TSBP1: variants seen among roughly 807,000 people sequenced by gnomAD.
The protein encoded by TSBP1 is testis-expressed basic protein 1.
A neutral mutation model predicts 68.8 loss-of-function variants in TSBP1; 56 were observed. The observed-to-expected ratio is 0.81, with a 90% confidence interval of 0.66 to 1.02. TSBP1 has a LOEUF of 1.02. Ranked by LOEUF, TSBP1 falls within the 50% of genes least tolerant of loss-of-function variation. The probability of loss-of-function intolerance (pLI) is 0.00; values close to 1 mark genes in which losing one functional copy is unlikely to be tolerated. For missense variants in TSBP1, 502 were observed against 641.2 expected (o/e 0.78, Z 2.34); for synonymous variants, 171 against 208.7 (o/e 0.82, Z 1.56).
At chr6:32,298,452 G>GGGA (rs1764932231) in intron 22 of TSBP1, among the ~76,000 whole-genome samples, 1 of 152,132 alleles carries the variant, frequency 6.6e-6, no homozygotes, top group African/African-American at 2.4e-5. Flanking sequence ...GGTGGCACAT[G>GGGA]CCTGTAATCC....
chr6:32,294,104 T>G (rs1430755311), intron 22 of TSBP1, 69 bp from the exon 26 acceptor site: 1 of 1,579,778 alleles, frequency 6.3e-7, no homozygotes, highest in African/African-American at 1.4e-5. Context: ...TTTTTTCCCC[T>G]TGATACTGGT....
intron 22 of TSBP1, among the ~76,000 whole-genome samples, chr6:32,294,743 C>A (rs1298849093): frequency 6.6e-6 from 1 of 152,150 alleles, no homozygotes; most frequent in East Asian, 1.9e-4. Context: ...CTACTTCTTG[C>A]AATATCTGCA....
intron 1 of TSBP1, among the ~76,000 whole-genome samples, chr6:32,371,484 A>G (rs1159015522): frequency 2.0e-5 from 3 of 152,228 alleles, no homozygotes; most frequent in Non-Finnish European, 4.4e-5. Context: ...CAAAGGAGAA[A>G]CCAGCACTAT....
chr6:32,334,600 T>A (rs574318388), intron 14 of TSBP1, among the ~76,000 whole-genome samples: 3 of 152,158 alleles, frequency 2.0e-5, no homozygotes, highest in Non-Finnish European at 4.4e-5. Context: ...GTTGTTTAGA[T>A]GCAACAAAGT....
Position 32,316,257 on chromosome 6 carries a change from A to G in TSBP1, c.560-465T>C. The G allele has an allele frequency of 1.6e-6, 1 of 636,496 alleles. No individual in the cohort carries two copies. Among genetic ancestry groups the G allele is most frequent in the Non-Finnish European group, 2.7e-6 (1 of 372,918 alleles). 39.4% of individuals were successfully genotyped at this position (636,496 alleles called of 1,614,324 possible). A position where few individuals can be genotyped will look rare whatever the true frequency, so the allele number is the denominator to read the frequency against. On this transcript the variant is annotated intron_variant, in intron 18 of 22. Transcript: ENST00000612031. The surrounding 1 kb of genome is among the most constrained non-coding windows in gnomAD (Gnocchi z 4.5). Reference sequence around the variant, plus strand: ...TTAGTCCCTCTTTTAATTAGTGTTTAAAAAGATTCTCTGTAATATAGACCA... The same window carrying G: ...TTAGTCCCTCTTTTAATTAGTGTTTGAAAAGATTCTCTGTAATATAGACCA...
Position 32,339,102 on chromosome 6 carries a change from G to T in TSBP1, c.389-103C>A, listed in dbSNP as rs1022746412. 86 of 946,216 alleles carry T rather than the reference G, an allele frequency of 9.1e-5. No homozygotes were observed. In the African/African-American group the frequency reaches 1.2e-3, roughly 13 times the overall value. The allele number at this position is 946,216 out of a possible 1,614,324, so 58.6% of individuals were successfully genotyped here. Reference sequence around the variant, plus strand: ...CATTTACTACATATTTGATTTACATGGAAAGGCAGCAAGAAGGTAAGTAGG... The same window carrying T: ...CATTTACTACATATTTGATTTACATTGAAAGGCAGCAAGAAGGTAAGTAGG... On this transcript the variant is annotated intron_variant, in intron 10 of 22. Coordinates refer to ENST00000612031, the Ensembl canonical transcript of TSBP1.
Position 32,333,927 on chromosome 6 carries a change from G to T in TSBP1, c.472+1510C>A. 4.8e-6 allele frequency: 1 copy of T among 209,496 alleles called. No homozygotes were observed. Among genetic ancestry groups the T allele is most frequent in the East Asian group, 1.6e-4 (1 of 6,158 alleles). The allele number at this position is 209,496 out of a possible 1,614,324, so 13.0% of individuals were successfully genotyped here. On this transcript the variant is annotated intron_variant, in intron 14 of 22. Transcript: ENST00000612031. The surrounding 1 kb of genome is among the most constrained non-coding windows in gnomAD (Gnocchi z 4.2). ...TGGCTTTCCAGATCTGGATACCCTT[G>T]GCTATGAGCAGTAAACCAGTTACAC...
At chr6:32,353,753 A>C (rs1265403709) in intron 8 of TSBP1, among the ~76,000 whole-genome samples, 1 of 152,020 alleles carries the variant, frequency 6.6e-6, no homozygotes, top group Non-Finnish European at 1.5e-5. Flanking sequence ...GAAATATATA[A>C]GATGAAGATG....
In TSBP1 at chr6:32,343,759, T is replaced by C. The variant is rs1282882767; in HGVS notation, c.350-4121A>G. Among the ~76,000 whole-genome samples, 1 of 152,226 alleles carries C rather than the reference T, an allele frequency of 6.6e-6. No homozygotes were observed. Among genetic ancestry groups the C allele is most frequent in the Non-Finnish European group, 1.5e-5 (1 of 68,036 alleles). ...TCAGCACGTTTTCCTTCATATTCTT[T>C]ACAATTTTCTCTTCTTTCTGAATAT... is the stretch of plus-strand genomic sequence containing the variant. On this transcript the variant is annotated intron_variant, in intron 9 of 22. Transcript: ENST00000612031. This position sits in a 1 kb window ranked among gnomAD's most constrained non-coding sequence, Gnocchi z 4.3.
intron 20 of TSBP1, among the ~76,000 whole-genome samples, chr6:32,301,958 AAATCATCATCAT>A (rs200408003): frequency 2.4e-4 from 31 of 127,356 alleles, no homozygotes; most frequent in East Asian, 7.3e-4. Context: ...TAAATAGTTG[AAATCATCATCAT>A]AATAATAATA....
intron 8 of TSBP1, among the ~76,000 whole-genome samples, chr6:32,350,333 T>C (rs1176296903): frequency 6.6e-6 from 1 of 152,176 alleles, no homozygotes; most frequent in Non-Finnish European, 1.5e-5. Flanking sequence ...GTAGTGAAAG[T>C]ATTTAGAACC....
intron 8 of TSBP1, among the ~76,000 whole-genome samples, chr6:32,354,704 C>T (rs1403170352): frequency 6.6e-6 from 1 of 151,914 alleles, no homozygotes; most frequent in African/African-American, 2.4e-5. Context: ...ATTGTATATT[C>T]ATAAGGTGGA....
intron 19 of TSBP1, among the ~76,000 whole-genome samples, chr6:32,313,939 A>G (rs1766684510): frequency 6.6e-6 from 1 of 151,996 alleles, no homozygotes; most frequent in Non-Finnish European, 1.5e-5. Context: ...CTTTACTCCA[A>G]GTGGTGGAAT....
chr6:32,367,904 A>C (rs748923327), intron 4 of TSBP1, 21 bp downstream of exon 4: 69 of 1,577,420 alleles, frequency 4.4e-5, no homozygotes, highest in Non-Finnish European at 5.9e-5. Context: ...TTAACTGTCT[A>C]GTAGTTCCTA....
chr6:32,307,015 C>T (rs940938980), intron 19 of TSBP1, among the ~76,000 whole-genome samples: 4 of 149,658 alleles, frequency 2.7e-5, no homozygotes, highest in African/African-American at 9.8e-5. Context: ...AATTTTGTTT[C>T]AAAATAATCA....
chr6:32,325,514 TG>T lies in TSBP1; in HGVS notation c.515-1901del. On this transcript the variant is annotated intron_variant, in intron 16 of 22. Transcript: ENST00000612031. The surrounding 1 kb of genome is among the most constrained non-coding windows in gnomAD (Gnocchi z 4.4). ...CAAGAGAAGATTCTCAAATACCAGG[TG>T]CCCACTTAACTGTGAAAAAGATATA... 1.1e-6 allele frequency: 1 copy of T among 869,694 alleles called. No individual in the cohort carries two copies. Among genetic ancestry groups the T allele is most frequent in the Non-Finnish European group, 1.9e-6 (1 of 516,946 alleles). The allele number at this position is 869,694 out of a possible 1,614,324, so 53.9% of individuals were successfully genotyped here. A position where few individuals can be genotyped will look rare whatever the true frequency, so the allele number is the denominator to read the frequency against.
At position 32,347,510 on chromosome 6, in the gene TSBP1, T is replaced by C. The variant is rs1043857478; in HGVS notation, c.349+2230A>G. Among the ~76,000 whole-genome samples, 8 of 150,820 alleles carry C rather than the reference T, an allele frequency of 5.3e-5. No individual in the cohort carries two copies. The East Asian group carries it at 1.5e-3, about 29-fold the overall frequency. On this transcript the variant is annotated intron_variant, in intron 9 of 22. Transcript: ENST00000612031. ...TTCTCCAGTAGAAACTCCTGTTGTC[T>C]TTGAAGCACATATGAGACTTTACTC... is the stretch of plus-strand genomic sequence containing the variant.
intron 8 of TSBP1, among the ~76,000 whole-genome samples, chr6:32,351,917 G>C (rs751424413): frequency 1.3e-5 from 2 of 151,986 alleles, no homozygotes; most frequent in Non-Finnish European, 2.9e-5. Context: ...CATCAAACTA[G>C]TGATAGATTC....
At chr6:32,349,884 CCTGG>C in intron 8 of TSBP1, 124 bp from the exon 9 acceptor site, 5 of 1,055,004 alleles carry the variant, frequency 4.7e-6, no homozygotes, top group Non-Finnish European at 6.0e-6. Flanking sequence ...CAACTTATTT[CCTGG>C]TATCAATTGC....
Sources: allele counts gnomAD v4.1 joint callset (sites outside exome capture counted in the v4.1 genomes callset), GRCh38; gene constraint gnomAD v4.1.1; non-coding constraint Gnocchi (gnomAD v3.1); transcripts MANE v1.5; gene names NCBI Gene and HGNC (gene_info 2026-07-23, HGNC 2026-07-21).